Variants in RXFP1 observed in about 807,000 individuals in gnomAD.
RXFP1 encodes the protein relaxin receptor 1.
RXFP1 carries 73 observed loss-of-function variants against 89.8 expected under a neutral mutation model. The ratio of observed to expected loss-of-function variants is 0.81; its 90% CI spans 0.67 to 0.99. RXFP1 has a LOEUF of 0.99. Ranked by LOEUF, RXFP1 falls within the 50% of genes least tolerant of loss-of-function variation. RXFP1 has a pLI of 0.00. For synonymous variants in RXFP1, 277 were observed against 305.5 expected (o/e 0.91, Z 0.97); for missense variants, 793 against 895.5 (o/e 0.89, Z 1.46).
At chr4:158,615,365 C>T (rs1764349650) in intron 8 of RXFP1, among the ~76,000 whole-genome samples, 1 of 151,916 alleles carries the variant, frequency 6.6e-6, no homozygotes, top group African/African-American at 2.4e-5. Flanking sequence ...GCTGAAACTC[C>T]ATCTCTACTA....
intron 2 of RXFP1, among the ~76,000 whole-genome samples, chr4:158,581,412 G>T (rs753064325): frequency 3.3e-5 from 5 of 152,120 alleles, no homozygotes; most frequent in Admixed American, 6.5e-5. Flanking sequence ...GAAAGAACAT[G>T]CTTATGATGT....
At chr4:158,531,574 G>A (rs1290829038) in intron 1 of RXFP1, among the ~76,000 whole-genome samples, 1 of 152,170 alleles carries the variant, frequency 6.6e-6, no homozygotes, top group African/African-American at 2.4e-5. Flanking sequence ...GGGCTTCAGG[G>A]AATGTTGACA....
At chr4:158,632,999 G>A (rs1337751620) in intron 11 of RXFP1, among the ~76,000 whole-genome samples, 9 of 151,956 alleles carry the variant, frequency 5.9e-5, no homozygotes, top group East Asian at 1.9e-4. Flanking sequence ...GTGAAACCCC[G>A]TCTCTACTAA....
intron 1 of RXFP1, among the ~76,000 whole-genome samples, chr4:158,540,825 C>G (rs4691512): frequency 0.96 from 145,931 of 152,118 alleles, 70,253 homozygotes; most frequent in East Asian, 1. Context: ...GCACACACTA[C>G]GGATGGCTGT....
At chr4:158,551,139 G>T (rs1044262415) in intron 1 of RXFP1, among the ~76,000 whole-genome samples, 2 of 152,180 alleles carry the variant, frequency 1.3e-5, no homozygotes, top group African/African-American at 4.8e-5. Flanking sequence ...GCCTTTTAAA[G>T]GAAAGAAACT....
chr4:158,599,400 G>A lies in RXFP1; in HGVS notation c.361G>A (p.Val121Ile). 1 of 1,613,540 alleles carries A rather than the reference G, an allele frequency of 6.2e-7. No individual in the cohort carries two copies. Among genetic ancestry groups the A allele is most frequent in the Non-Finnish European group, 8.5e-7 (1 of 1,179,660 alleles). Residue 121 changes from valine (V) to isoleucine (I), a missense_variant, in exon 4 of 18, where the codon GTT becomes ATT. By Grantham distance (29) the Val-to-Ile change is conservative (BLOSUM62 3). Coordinates refer to ENST00000307765, the MANE Select transcript of RXFP1 (RefSeq NM_021634.4). ...CTGTGATGAAACCAATTTACGAGCT[G>A]TTCCATCGGTTTCTTCAAATGTGAC... ...LDCDETNLRA[V>I]PSVSSNVTAM... is the part of the protein sequence containing the mutation.
intron 1 of RXFP1, among the ~76,000 whole-genome samples, chr4:158,544,702 G>GT (rs1747778506): frequency 1.3e-5 from 2 of 152,004 alleles, no homozygotes; most frequent in South Asian, 2.1e-4. Context: ...GAGGTGTTTG[G>GT]TTTTTTGTCC....
chr4:158,593,594 A>G, intron 3 of RXFP1, 95 bp downstream of exon 3: 1 of 624,188 alleles, frequency 1.6e-6, no homozygotes, highest in Non-Finnish European at 2.6e-6. Flanking sequence ...ATTGCATCTC[A>G]ATCTGGAAAT....
intron 1 of RXFP1, among the ~76,000 whole-genome samples, chr4:158,552,786 C>G (rs926811221): frequency 3.9e-5 from 6 of 152,180 alleles, no homozygotes; most frequent in South Asian, 2.1e-4. Flanking sequence ...AAGGGCCCTA[C>G]AGGTATCACC....
At chr4:158,648,325 T>C (rs13146852) in intron 16 of RXFP1, among the ~76,000 whole-genome samples, 174 bp from the exon 17 acceptor site, 137,062 of 152,266 alleles carry the variant, frequency 0.9, 63,381 homozygotes, top group East Asian at 1. Flanking sequence ...AAAAAATTCA[T>C]GATTTTTGTG....
intron 1 of RXFP1, among the ~76,000 whole-genome samples, chr4:158,548,942 T>C (rs536311757): frequency 5.8e-4 from 88 of 151,996 alleles, no homozygotes; most frequent in African/African-American, 1.6e-3. Flanking sequence ...GAGTTGCTCT[T>C]CTCGAGGAGT....
intron 1 of RXFP1, among the ~76,000 whole-genome samples, chr4:158,536,637 T>A (rs540886490): frequency 6.6e-6 from 1 of 152,302 alleles, no homozygotes; most frequent in African/African-American, 2.4e-5. Context: ...TTTTTGCAAA[T>A]ACTGTATACA....
intron 1 of RXFP1, among the ~76,000 whole-genome samples, chr4:158,530,933 G>A (rs983441555): frequency 1.3e-5 from 2 of 152,100 alleles, no homozygotes; most frequent in African/African-American, 2.4e-5. Flanking sequence ...TTTTTGTAGC[G>A]CATCTGGCTC....
At chr4:158,604,624 T>A (rs73860542) in intron 4 of RXFP1, among the ~76,000 whole-genome samples, 288 of 152,324 alleles carry the variant, frequency 1.9e-3, no homozygotes, top group African/African-American at 6.5e-3. Context: ...TACCAATTGA[T>A]GTTTTCCTTC....
intron 16 of RXFP1, among the ~76,000 whole-genome samples, 185 bp from the exon 17 acceptor site, chr4:158,648,313 CA>C (rs1489784136): frequency 2.0e-5 from 3 of 152,086 alleles, no homozygotes; most frequent in Admixed American, 6.5e-5. Context: ...AACCTCATCT[CA>C]AAAAAATTCA....
rs1473556597 is a variant in RXFP1 at position 158,646,839 on chromosome 4, A to C, written c.1394A>C (p.Asp465Ala). The change falls in exon 16 of 18, where the codon GAC (aspartate) becomes GCC (alanine). Residue 465 changes from aspartate to alanine, a missense_variant. Asp to Ala is a moderately radical substitution (Grantham distance 126). Coordinates refer to ENST00000307765, the MANE Select transcript of RXFP1 (RefSeq NM_021634.4). Reference sequence around the variant, plus strand: ...TATTTATTCGTGATCGGAGGCTTTGACCTAAAGTTTCGTGGAGAATACAAT... The same window carrying C: ...TATTTATTCGTGATCGGAGGCTTTGCCCTAAAGTTTCGTGGAGAATACAAT... ...GIYLFVIGGF[D>A]LKFRGEYNKH... 6.2e-7 allele frequency: 1 copy of C among 1,614,042 alleles called. No individual in the cohort carries two copies. Among genetic ancestry groups the C allele is most frequent in the South Asian group, 1.1e-5 (1 of 91,066 alleles).
At chr4:158,541,893 G>A (rs1746733546) in intron 1 of RXFP1, among the ~76,000 whole-genome samples, 1 of 151,182 alleles carries the variant, frequency 6.6e-6, no homozygotes, top group Non-Finnish European at 1.5e-5. Flanking sequence ...TTTATGCGGG[G>A]TGGCCGGGAG....
Position 158,644,999 on chromosome 4 carries a change from C to A in RXFP1, c.1206C>A (p.Leu402=). Residue 402 remains leucine (L), a synonymous_variant, in exon 15 of 18, where the codon CTC becomes CTA. Transcript: ENST00000307765. ...NTDGISSLEN[L]LASIIQRVFV... ...ATGGAATTTCATCTCTAGAGAATCT[C>A]TTGGCAAGCATTATTCAGAGAGTAT... 6.2e-7 allele frequency: 1 copy of A among 1,614,150 alleles called. No individual in the cohort carries two copies. The highest frequency in any genetic ancestry group is 8.5e-7 in the Non-Finnish European group (1 of 1,179,980).
At chr4:158,646,215 T>C in intron 15 of RXFP1, 1 of 333,206 alleles carries the variant, frequency 3.0e-6, no homozygotes, top group South Asian at 2.4e-5. Context: ...CAGTTTTGCT[T>C]AGACCAACTC....
Sources: allele counts gnomAD v4.1 joint callset (sites outside exome capture counted in the v4.1 genomes callset), GRCh38; gene constraint gnomAD v4.1.1; transcripts MANE v1.5; gene names NCBI Gene and HGNC (gene_info 2026-07-23, HGNC 2026-07-21).